The following SGMS1 variants were observed in gnomAD, a reference collection of about 807,000 sequenced individuals.
SGMS1 encodes sphingomyelin synthase 1.
A neutral mutation model predicts 46.2 loss-of-function variants in SGMS1; 13 were observed. That is an observed-to-expected ratio of 0.28 (90% confidence interval 0.18 to 0.45). The LOEUF (loss-of-function observed/expected upper bound fraction) is 0.45. Ranked by LOEUF, SGMS1 falls within the 20% of genes least tolerant of loss-of-function variation. The probability of loss-of-function intolerance (pLI) is 1.00; values close to 1 mark genes in which losing one functional copy is unlikely to be tolerated. For missense variants in SGMS1, 324 were observed against 519.9 expected (o/e 0.62, Z 3.66); for synonymous variants, 203 against 187.8 (o/e 1.08, Z -0.66).
At chr10:50,371,970 T>C (rs901181790) in intron 6 of SGMS1, among the ~76,000 whole-genome samples, 4 of 152,210 alleles carry the variant, frequency 2.6e-5, no homozygotes, top group South Asian at 2.1e-4. Context: ...TCAGAACACA[T>C]TGCATTCAGG....
At chr10:50,426,804 G>T (rs1309174951) in intron 6 of SGMS1, among the ~76,000 whole-genome samples, 1 of 152,172 alleles carries the variant, frequency 6.6e-6, no homozygotes, top group Non-Finnish European at 1.5e-5. Context: ...TCCAAAGCCA[G>T]GACTTGTCAC....
chr10:50,377,353 G>T (rs915904278), intron 6 of SGMS1, among the ~76,000 whole-genome samples: 3 of 152,084 alleles, frequency 2.0e-5, no homozygotes, highest in Admixed American at 1.3e-4. Context: ...TAATGAATGG[G>T]TTACTCCATT....
At chr10:50,539,229 C>T (rs992458533) in intron 2 of SGMS1, among the ~76,000 whole-genome samples, 3 of 152,182 alleles carry the variant, frequency 2.0e-5, no homozygotes, top group Admixed American at 1.3e-4. Context: ...AGTTCCTTCC[C>T]GCCTGTGTCA....
chr10:50,319,154 T>C (rs566868344), intron 8 of SGMS1, among the ~76,000 whole-genome samples: 37 of 137,768 alleles, frequency 2.7e-4, no homozygotes, highest in African/African-American at 9.6e-4. Flanking sequence ...GAAGTGAGAT[T>C]TGCCACCAAA....
intron 1 of SGMS1, among the ~76,000 whole-genome samples, chr10:50,614,762 G>A (rs775513165): frequency 6.6e-6 from 1 of 152,244 alleles, no homozygotes. Context: ...TAAAGGTACT[G>A]GCTCTCCACC....
At chr10:50,456,069 C>T (rs1030769365) in intron 5 of SGMS1, among the ~76,000 whole-genome samples, 9 of 152,140 alleles carry the variant, frequency 5.9e-5, no homozygotes, top group South Asian at 2.1e-4. Flanking sequence ...AGGAGAATTA[C>T]AAGCATAATG....
At chr10:50,426,431 A>C in intron 6 of SGMS1, among the ~76,000 whole-genome samples, 1 of 152,214 alleles carries the variant, frequency 6.6e-6, no homozygotes, top group East Asian at 1.9e-4. Flanking sequence ...ACAGTTACCT[A>C]TTTGGTATGA....
At chr10:50,525,968 C>T (rs1389056345) in intron 2 of SGMS1, among the ~76,000 whole-genome samples, 1 of 152,078 alleles carries the variant, frequency 6.6e-6, no homozygotes, top group African/African-American at 2.4e-5. Flanking sequence ...TGATTTTTGC[C>T]TCAGAAGTTG....
At chr10:50,513,609 A>T (rs1477016941) in intron 3 of SGMS1, among the ~76,000 whole-genome samples, 2 of 152,174 alleles carry the variant, frequency 1.3e-5, no homozygotes, top group Non-Finnish European at 2.9e-5. Flanking sequence ...GCCCTCATTC[A>T]CTCAAAAGCT....
intron 6 of SGMS1, among the ~76,000 whole-genome samples, chr10:50,407,795 TG>T (rs1057230796): frequency 2.6e-5 from 4 of 152,230 alleles, no homozygotes; most frequent in African/African-American, 7.2e-5. Flanking sequence ...AATATACCTT[TG>T]TTTGGCCTAA....
chr10:50,476,498 T>G (rs1837429345), intron 3 of SGMS1, among the ~76,000 whole-genome samples: 1 of 152,126 alleles, frequency 6.6e-6, no homozygotes, highest in African/African-American at 2.4e-5. Flanking sequence ...ACCCATTTTC[T>G]GAGGAGAAAT....
chr10:50,533,808 A>C (rs1254624236), intron 2 of SGMS1, among the ~76,000 whole-genome samples: 1 of 152,180 alleles, frequency 6.6e-6, no homozygotes, highest in Non-Finnish European at 1.5e-5. Context: ...TGTAAATTAC[A>C]TAAGAAAAAC....
chr10:50,624,403 C>T (rs1230584923), upstream of SGMS1, among the ~76,000 whole-genome samples: 1 of 152,202 alleles, frequency 6.6e-6, no homozygotes, highest in African/African-American at 2.4e-5. Flanking sequence ...GGGATTAATG[C>T]CCAATGGATC....
At chr10:50,370,480 C>A (rs1848418140) in intron 6 of SGMS1, among the ~76,000 whole-genome samples, 1 of 150,702 alleles carries the variant, frequency 6.6e-6, no homozygotes, top group African/African-American at 2.4e-5. Flanking sequence ...TGGTGGCTCA[C>A]ACCTGTAATC....
At chr10:50,434,490 G>A (rs938983756) in intron 5 of SGMS1, among the ~76,000 whole-genome samples, 1 of 152,082 alleles carries the variant, frequency 6.6e-6, no homozygotes, top group African/African-American at 2.4e-5. Context: ...TACCATGAGA[G>A]GCAGTGTCAC....
At chr10:50,604,093 C>T (rs140157919) in intron 1 of SGMS1, among the ~76,000 whole-genome samples, 122 of 152,226 alleles carry the variant, frequency 8.0e-4, no homozygotes, top group African/African-American at 2.9e-3. Context: ...AGTGCAAAAA[C>T]GGCACTGTAC....
intron 6 of SGMS1, among the ~76,000 whole-genome samples, chr10:50,355,282 C>G (rs904270197): frequency 2.6e-5 from 4 of 152,118 alleles, no homozygotes; most frequent in African/African-American, 4.8e-5. Context: ...GACCCTCTTC[C>G]CTCTTCCCTC....
chr10:50,328,789 T>C (rs576518350), intron 7 of SGMS1, among the ~76,000 whole-genome samples: 2 of 152,342 alleles, frequency 1.3e-5, no homozygotes, highest in East Asian at 3.9e-4. Context: ...TATATGCCTC[T>C]AATTTCAAGT....
intron 6 of SGMS1, among the ~76,000 whole-genome samples, chr10:50,403,282 C>T (rs1172388439): frequency 1.3e-5 from 2 of 152,082 alleles, no homozygotes; most frequent in African/African-American, 2.4e-5. Flanking sequence ...CACAAGTACA[C>T]GGTTCGCATG....
Sources: gnomAD v4.1 joint callset for allele counts (sites outside exome capture counted in the v4.1 genomes callset) on GRCh38, gnomAD v4.1.1 for gene constraint, MANE v1.5 for transcripts, NCBI Gene and HGNC (gene_info 2026-07-23, HGNC 2026-07-21) for gene names.